The following COL14A1 variants were observed in gnomAD, a reference collection of about 807,000 sequenced individuals.
COL14A1 encodes the protein collagen type XIV alpha 1 chain.
Under a neutral mutation model 230.3 loss-of-function variants are expected in COL14A1, and 136 were observed. That is an observed-to-expected ratio of 0.59 (90% CI 0.51 to 0.68). COL14A1 has a LOEUF of 0.68. Ranked by LOEUF, COL14A1 falls within the 30% of genes least tolerant of loss-of-function variation. The probability of loss-of-function intolerance (pLI) is 0.00; values close to 1 mark genes in which losing one functional copy is unlikely to be tolerated. For missense variants in COL14A1, 1,976 were observed against 2,215.8 expected, an observed-to-expected ratio of 0.89 and a Z score of 2.17; for synonymous variants, 792 against 784.1, an observed-to-expected ratio of 1.01 and a Z score of -0.17.
chr8:120,339,130 A>G (rs1822194342), intron 42 of COL14A1, among the ~76,000 whole-genome samples: 1 of 152,130 alleles, frequency 6.6e-6, no homozygotes, highest in South Asian at 2.1e-4. Flanking sequence ...ACGCGCCACC[A>G]CGCCCGGCTA....
chr8:120,134,795 C>A (rs555844757), intron 1 of COL14A1, among the ~76,000 whole-genome samples: 1 of 151,896 alleles, frequency 6.6e-6, no homozygotes, highest in Non-Finnish European at 1.5e-5. Context: ...GCCAACATGG[C>A]GAAACCCTGT....
chr8:120,243,994 C>T lies in COL14A1; in HGVS notation c.2465C>T (p.Ala822Val), dbSNP rs1818691372. 1 of 1,611,868 alleles carries T rather than the reference C, an allele frequency of 6.2e-7. No homozygotes were observed. The highest frequency in any genetic ancestry group is 1.3e-5 in the African/African-American group (1 of 74,878). The change falls in exon 20 of 48, where the codon GCT becomes GTT. Residue 822 changes from alanine (A) to valine (V), a missense_variant. Physicochemically the swap from Ala to Val is moderately conservative, Grantham distance 64 (BLOSUM62 0). Transcript: ENST00000297848. Reference sequence around the variant, plus strand: ...GATGGCGAAGGCGTCAGCGTCTCCGCTCCTGGAAAAACCTGTAAGTGAAGC... The same window carrying T: ...GATGGCGAAGGCGTCAGCGTCTCCGTTCCTGGAAAAACCTGTAAGTGAAGC... ...YTDGEGVSVS[A>V]PGKTLPSSGP...
intron 44 of COL14A1, among the ~76,000 whole-genome samples, chr8:120,343,592 A>C (rs950313622): frequency 6.6e-6 from 1 of 152,226 alleles, no homozygotes; most frequent in Non-Finnish European, 1.5e-5. Context: ...AGGAGTATGA[A>C]GATACCAACT....
intron 42 of COL14A1, among the ~76,000 whole-genome samples, chr8:120,336,673 C>T (rs1469612872): frequency 6.6e-6 from 1 of 152,182 alleles, no homozygotes; most frequent in Non-Finnish European, 1.5e-5. Flanking sequence ...GAGCTCGTGG[C>T]CCTTTAGGAT....
Position 120,152,625 on chromosome 8 carries a change from A to G in COL14A1, c.88+4695A>G, listed in dbSNP as rs772447885. Among the ~76,000 whole-genome samples, 168 of 152,218 alleles carry G rather than the reference A, an allele frequency of 1.1e-3. 1 individual carries two copies. Among genetic ancestry groups the G allele is most frequent in the Non-Finnish European group, 1.7e-3 (114 of 68,044 alleles). On this transcript the variant is annotated intron_variant, in intron 2 of 47. Coordinates refer to ENST00000297848, the MANE Select transcript of COL14A1 (RefSeq NM_021110.4). ...GACCTGTGAACCTACATTGGCTCAA[A>G]TAACTGTTTAAACCTGGATTATTCC...
intron 33 of COL14A1, 138 bp from the exon 34 acceptor site, chr8:120,289,470 C>T: frequency 1.3e-6 from 1 of 753,194 alleles, no homozygotes; most frequent in Non-Finnish European, 2.1e-6. Flanking sequence ...TAGAAATTTT[C>T]TCTTTTGGCA....
At chr8:120,308,073 C>T (rs1423581749) in intron 36 of COL14A1, among the ~76,000 whole-genome samples, 1 of 152,218 alleles carries the variant, frequency 6.6e-6, no homozygotes, top group African/African-American at 2.4e-5. Context: ...CCTCTGCCTC[C>T]TGGGTTTAAG....
chr8:120,211,976 C>A (rs147763604), intron 12 of COL14A1, among the ~76,000 whole-genome samples: 2 of 152,310 alleles, frequency 1.3e-5, no homozygotes, highest in African/African-American at 4.8e-5. Context: ...TGAATGGGGA[C>A]ACAAAACTGG....
At chr8:120,266,102 C>T (rs531622659) in intron 24 of COL14A1, among the ~76,000 whole-genome samples, 7 of 152,100 alleles carry the variant, frequency 4.6e-5, no homozygotes, top group Middle Eastern at 3.4e-3. Flanking sequence ...GAAATGAATA[C>T]GTAATAACAT....
intron 36 of COL14A1, among the ~76,000 whole-genome samples, chr8:120,308,245 G>A (rs1327648403): frequency 2.0e-5 from 3 of 152,238 alleles, no homozygotes; most frequent in Admixed American, 1.3e-4. Flanking sequence ...GCCTCCCAAA[G>A]TGCTGGGATT....
At chr8:120,319,387 G>A (rs955464888) in intron 40 of COL14A1, among the ~76,000 whole-genome samples, 2 of 151,880 alleles carry the variant, frequency 1.3e-5, no homozygotes, top group Admixed American at 1.3e-4. Flanking sequence ...GTTGCCCAGG[G>A]TGGTCTCAAA....
intron 5 of COL14A1, among the ~76,000 whole-genome samples, chr8:120,183,806 T>C (rs1816556088): frequency 6.6e-6 from 1 of 152,194 alleles, no homozygotes; most frequent in South Asian, 2.1e-4. Context: ...TTTCCTGCTA[T>C]CTTTAATTGC....
chr8:120,227,192 A>G, intron 16 of COL14A1, 28 bp from the exon 17 acceptor site: 1 of 1,609,314 alleles, frequency 6.2e-7, no homozygotes, highest in Non-Finnish European at 8.5e-7. Flanking sequence ...AAATAAGCAT[A>G]GTTACTAAGC....
Position 120,201,284 on chromosome 8 carries a change from G to T in COL14A1, c.877+1718G>T, listed in dbSNP as rs529024558. On this transcript the variant is annotated intron_variant, in intron 8 of 47. Coordinates refer to ENST00000297848, the MANE Select transcript of COL14A1 (RefSeq NM_021110.4). ...TAGAACCTTGTTATTTTGTGTGCATGTGTGTGTGGTGCAGGAGGAGGTAGC... is the reference window on the plus strand; with the variant it reads ...TAGAACCTTGTTATTTTGTGTGCATTTGTGTGTGGTGCAGGAGGAGGTAGC... Among the ~76,000 whole-genome samples, 152 of 152,250 alleles carry T rather than the reference G, an allele frequency of 1.0e-3. 1 individual carries two copies. Among genetic ancestry groups the T allele is most frequent in the Non-Finnish European group, 2.0e-3 (135 of 68,012 alleles).
intron 36 of COL14A1, among the ~76,000 whole-genome samples, chr8:120,304,270 C>A (rs1304560571): frequency 6.6e-6 from 1 of 151,972 alleles, no homozygotes; most frequent in Non-Finnish European, 1.5e-5. Flanking sequence ...TTGGTTATTT[C>A]TTGTCTTCTG....
chr8:120,356,947 G>A (rs939744975), intron 45 of COL14A1, among the ~76,000 whole-genome samples: 1 of 151,974 alleles, frequency 6.6e-6, no homozygotes, highest in Admixed American at 6.6e-5. Flanking sequence ...TCATTTTAAG[G>A]CATTGACAAG....
At chr8:120,369,570 A>C (rs904198134) in intron 47 of COL14A1, 85 bp downstream of exon 47, 14 of 1,309,592 alleles carry the variant, frequency 1.1e-5, no homozygotes, top group Non-Finnish European at 2.0e-6. Context: ...AGTGCTATGA[A>C]AAAAGTTAAA....
chr8:120,275,723 T>C (rs1030658018), intron 26 of COL14A1, among the ~76,000 whole-genome samples: 2 of 151,808 alleles, frequency 1.3e-5, no homozygotes, highest in Non-Finnish European at 2.9e-5. Context: ...CACAAACATA[T>C]GGAAAAATGC....
chr8:120,334,585 A>AAAACAC (rs1821987412), intron 42 of COL14A1, among the ~76,000 whole-genome samples: 1 of 144,790 alleles, frequency 6.9e-6, no homozygotes, highest in South Asian at 2.3e-4. Flanking sequence ...CACACACAAA[A>AAAACAC]ACACACACAC....
Sources: gnomAD v4.1 joint callset for allele counts (sites outside exome capture counted in the v4.1 genomes callset) on GRCh38, gnomAD v4.1.1 for gene constraint, MANE v1.5 for transcripts, NCBI Gene and HGNC (gene_info 2026-07-23, HGNC 2026-07-21) for gene names.